Variants in BBS5 observed in about 807,000 individuals in gnomAD.
BBS5 encodes BBSome complex member BBS5.
In BBS5, 39 loss-of-function variants were observed where a neutral mutation model predicts 50.2. That is an observed-to-expected ratio of 0.78 (90% CI 0.60 to 1.01). The LOEUF (loss-of-function observed/expected upper bound fraction) is 1.01, where lower values mean the gene tolerates loss of function less well. Among genes scored for constraint, BBS5 ranks in the 50% least tolerant of loss-of-function variants. BBS5 has a pLI of 0.00. For synonymous variants in BBS5, 134 were observed against 133.1 expected, an observed-to-expected ratio of 1.01 and a Z score of -0.05; for missense variants, 356 against 401.5, an observed-to-expected ratio of 0.89 and a Z score of 0.97.
chr2:169,494,696 C>T (rs1683663382), intron 7 of BBS5, among the ~76,000 whole-genome samples: 1 of 152,096 alleles, frequency 6.6e-6, no homozygotes, highest in Admixed American at 6.5e-5. Flanking sequence ...AAACTGTAAA[C>T]TTCAATACAC....
At chr2:169,502,508 AT>A (rs1200642774) in intron 9 of BBS5, among the ~76,000 whole-genome samples, 4 of 152,186 alleles carry the variant, frequency 2.6e-5, no homozygotes, top group African/African-American at 9.7e-5. Context: ...ATATTTAGTT[AT>A]CGGTCATTGT....
chr2:169,493,802 A>G lies in BBS5; in HGVS notation c.584A>G (p.Asp195Gly), dbSNP rs143191074. ...VRIVWHANMN[D>G]SFNVSIPYLQ... ...ATTGTGTGGCATGCAAATATGAATGATAGTTTTAATGTCAGTATACCATAT... is the reference window on the plus strand; with the variant it reads ...ATTGTGTGGCATGCAAATATGAATGGTAGTTTTAATGTCAGTATACCATAT... The change falls in exon 7 of 12, where the codon GAT becomes GGT. Residue 195 changes from aspartate to glycine, a missense_variant. Transcript: ENST00000295240. The G allele has an allele frequency of 1.4e-3, 2,212 of 1,611,756 alleles. 50 individuals carry two copies. The Admixed American group carries it at 0.035, about 25-fold the overall frequency.
At chr2:169,484,907 C>A (rs1405549282) in intron 2 of BBS5, among the ~76,000 whole-genome samples, 1 of 152,116 alleles carries the variant, frequency 6.6e-6, no homozygotes, top group Non-Finnish European at 1.5e-5. Flanking sequence ...TGGTATTAGG[C>A]AGGGTAGAGA....
intron 9 of BBS5, among the ~76,000 whole-genome samples, chr2:169,501,640 G>A (rs780638279): frequency 2.0e-5 from 3 of 152,068 alleles, no homozygotes. Flanking sequence ...CTACTCCGGA[G>A]GCTGAGATGG....
At chr2:169,503,324 G>A (rs565125637) in intron 10 of BBS5, 146 bp downstream of exon 10, 10 of 729,504 alleles carry the variant, frequency 1.4e-5, no homozygotes, top group Non-Finnish European at 2.1e-5. Flanking sequence ...TTTTTAGTGA[G>A]GGATTTCTTT....
intron 7 of BBS5, among the ~76,000 whole-genome samples, chr2:169,495,185 T>G (rs1683671417): frequency 6.6e-6 from 1 of 152,064 alleles, no homozygotes; most frequent in Non-Finnish European, 1.5e-5. Context: ...AGGAAGAAAA[T>G]TATTTCTGGC....
At chr2:169,496,758 A>G (rs1271069662) in intron 7 of BBS5, among the ~76,000 whole-genome samples, 1 of 151,942 alleles carries the variant, frequency 6.6e-6, no homozygotes, top group East Asian at 1.9e-4. Flanking sequence ...AGTCCCAGCT[A>G]CTTGGGAGGC....
chr2:169,479,739 C>G, intron 1 of BBS5, 127 bp downstream of exon 1: 1 of 1,049,912 alleles, frequency 9.5e-7, no homozygotes, highest in South Asian at 1.3e-5. Context: ...AGGCTTGCGC[C>G]GGTCGTCCGC....
intron 5 of BBS5, among the ~76,000 whole-genome samples, chr2:169,490,258 TG>T (rs1346442259): frequency 5.1e-5 from 7 of 137,586 alleles, no homozygotes; most frequent in Non-Finnish European, 1.1e-4. Flanking sequence ...AGTGGCGCGA[TG>T]GTCGGCTCAC....
chr2:169,497,399 T>A (rs1683711569), intron 7 of BBS5, among the ~76,000 whole-genome samples: 1 of 152,232 alleles, frequency 6.6e-6, no homozygotes, highest in Non-Finnish European at 1.5e-5. Flanking sequence ...TTGTACATAT[T>A]TCAGAGATGT....
At position 169,499,205 on chromosome 2, in the gene BBS5, G is replaced by T. The variant is rs749094253; in HGVS notation, c.682-281G>T. 1.6e-5 allele frequency: 6 copies of T among 369,058 alleles called. No individual in the cohort carries two copies. In the East Asian group the frequency reaches 3.3e-4, roughly 20 times the overall value. The allele number at this position is 369,058 out of a possible 1,614,324, so 22.9% of individuals were successfully genotyped here. A position where few individuals can be genotyped will look rare whatever the true frequency, so the allele number is the denominator to read the frequency against. On this transcript the variant is annotated intron_variant, in intron 8 of 11. Coordinates refer to ENST00000295240, the MANE Select transcript of BBS5 (RefSeq NM_152384.3). ...TGAATACACTTCAAAATAAGCCTGC[G>T]TTGGGGGAATGGTGTTCAGGTGAGG...
In BBS5 at chr2:169,506,183, G is replaced by C. The variant is rs1247639590; in HGVS notation, c.*1601G>C. The C allele has an allele frequency of 6.6e-6, 1 of 151,050 alleles. No individual in the cohort carries two copies. Among genetic ancestry groups the C allele is most frequent in the East Asian group, 1.9e-4 (1 of 5,200 alleles). 9.4% of individuals were successfully genotyped at this position (151,050 alleles called of 1,614,324 possible). On this transcript the variant is annotated 3_prime_UTR_variant, in exon 12 of 12. Coordinates refer to ENST00000295240, the MANE Select transcript of BBS5 (RefSeq NM_152384.3). ...GCCCGGTCCGGGAGGGAGGTGGGGGGGTCAGCCCCCCGCCCGGCCAGCCGC... is the reference window on the plus strand; with the variant it reads ...GCCCGGTCCGGGAGGGAGGTGGGGGCGTCAGCCCCCCGCCCGGCCAGCCGC...
intron 7 of BBS5, among the ~76,000 whole-genome samples, chr2:169,494,902 GT>G (rs1683667890): frequency 6.6e-6 from 1 of 152,066 alleles, no homozygotes; most frequent in African/African-American, 2.4e-5. Flanking sequence ...GGAAAATACC[GT>G]TTTTAAGGAA....
chr2:169,496,155 G>A (rs529285802), intron 7 of BBS5, among the ~76,000 whole-genome samples: 2 of 152,254 alleles, frequency 1.3e-5, no homozygotes, highest in East Asian at 3.9e-4. Flanking sequence ...GCTGGTCATA[G>A]TGTTAGGTCC....
chr2:169,485,351 CAA>C (rs1559121515), intron 2 of BBS5, among the ~76,000 whole-genome samples: 1 of 142,418 alleles, frequency 7.0e-6, no homozygotes, highest in Admixed American at 7.1e-5. Flanking sequence ...AACAGTAAAA[CAA>C]AAAGTTTAAA....
intron 2 of BBS5, among the ~76,000 whole-genome samples, chr2:169,485,321 T>A (rs919837546): frequency 5.9e-5 from 9 of 152,242 alleles, no homozygotes; most frequent in Admixed American, 5.2e-4. Flanking sequence ...ATAAATATAA[T>A]CTCATTTAAC....
chr2:169,489,412 G>T (rs1030140926), intron 5 of BBS5, among the ~76,000 whole-genome samples: 2 of 151,744 alleles, frequency 1.3e-5, no homozygotes, highest in South Asian at 4.2e-4. Context: ...GCAGTGAGCT[G>T]AGATCGCCGC....
chr2:169,488,130 A>T lies in BBS5; in HGVS notation c.386+16A>T. 6.2e-7 allele frequency: 1 copy of T among 1,611,704 alleles called. No homozygotes were observed. Among genetic ancestry groups the T allele is most frequent in the Non-Finnish European group, 8.5e-7 (1 of 1,178,676 alleles). On this transcript the variant is annotated intron_variant, in intron 5 of 11. Coordinates refer to ENST00000295240, the MANE Select transcript of BBS5 (RefSeq NM_152384.3). ...CAGTACACAGGTATAGTAATACTTT[A>T]TGGATTATTGAATATTTTTTGTTTA... is the stretch of plus-strand genomic sequence containing the variant.
At position 169,493,724 on chromosome 2, in the gene BBS5, A is replaced by G. The variant is rs752432428; in HGVS notation, c.523-17A>G. 2.0e-6 allele frequency: 3 copies of G among 1,535,104 alleles called. No homozygotes were observed. Among genetic ancestry groups the G allele is most frequent in the South Asian group, 2.2e-5 (2 of 89,472 alleles). ...AAAAAAATGATCATTTCGGTATCTC[A>G]TTACTGTTTTTTACAGGGCAATTTA... is the stretch of plus-strand genomic sequence containing the variant. On this transcript the variant is annotated splice_polypyrimidine_tract_variant and intron_variant, in intron 6 of 11. Transcript: ENST00000295240.
Sources: gnomAD v4.1 joint callset for allele counts (sites outside exome capture counted in the v4.1 genomes callset) on GRCh38, gnomAD v4.1.1 for gene constraint, MANE v1.5 for transcripts, NCBI Gene and HGNC (gene_info 2026-07-23, HGNC 2026-07-21) for gene names.